Variants in NTN1 observed in about 807,000 individuals in gnomAD.
The protein encoded by NTN1 is netrin-1.
Under a neutral mutation model 54.2 loss-of-function variants are expected in NTN1, and 11 were observed. The ratio of observed to expected loss-of-function variants is 0.20; its 90% CI spans 0.13 to 0.34. The LOEUF (loss-of-function observed/expected upper bound fraction) is 0.34. Ranked by LOEUF, NTN1 falls within the 10% of genes least tolerant of loss-of-function variation. The probability of loss-of-function intolerance (pLI) is 1.00; values close to 1 mark genes in which losing one functional copy is unlikely to be tolerated. For missense variants in NTN1, 740 were observed against 893.1 expected, an observed-to-expected ratio of 0.83 and a Z score of 2.18; for synonymous variants, 371 against 382.0, an observed-to-expected ratio of 0.97 and a Z score of 0.33.
At chr17:9,109,755 A>G (rs1179545455) in intron 2 of NTN1, among the ~76,000 whole-genome samples, 1 of 152,184 alleles carries the variant, frequency 6.6e-6, no homozygotes, top group Non-Finnish European at 1.5e-5. Flanking sequence ...ATCGGCCTAT[A>G]TTCTGGCTAA....
intron 6 of NTN1, among the ~76,000 whole-genome samples, chr17:9,236,279 A>G (rs980443707): frequency 6.6e-6 from 1 of 152,200 alleles, no homozygotes; most frequent in Non-Finnish European, 1.5e-5. Flanking sequence ...GAGGGGCGCC[A>G]GGTTCCATGT....
intron 2 of NTN1, among the ~76,000 whole-genome samples, chr17:9,105,530 T>G (rs2092162932): frequency 1.3e-5 from 2 of 152,186 alleles, no homozygotes; most frequent in Admixed American, 1.3e-4. Flanking sequence ...ACGTGGGCGT[T>G]CTTCAGTGTT....
At chr17:9,125,761 A>G (rs1163371236) in intron 2 of NTN1, among the ~76,000 whole-genome samples, 1 of 152,178 alleles carries the variant, frequency 6.6e-6, no homozygotes, top group Non-Finnish European at 1.5e-5. Flanking sequence ...GTGAGCCACC[A>G]TGCCCGGCTC....
chr17:9,202,055 C>CAAA (rs773720564), intron 5 of NTN1, among the ~76,000 whole-genome samples: 1 of 48,344 alleles, frequency 2.1e-5, no homozygotes, highest in Non-Finnish European at 3.4e-5. Flanking sequence ...CACACACACA[C>CAAA]AAAAAAAAAA....
intron 2 of NTN1, among the ~76,000 whole-genome samples, chr17:9,142,566 G>C (rs963289483): frequency 6.6e-5 from 10 of 152,058 alleles, no homozygotes; most frequent in African/African-American, 1.9e-4. Context: ...TGATGGGAGG[G>C]GGGTGGAGGT....
chr17:9,032,911 C>T (rs1164694315), intron 2 of NTN1, among the ~76,000 whole-genome samples: 2 of 151,358 alleles, frequency 1.3e-5, no homozygotes, highest in East Asian at 1.9e-4. Context: ...TCTGAGCTGC[C>T]ATGAGGAAGG....
intron 3 of NTN1, among the ~76,000 whole-genome samples, chr17:9,178,132 G>C (rs2092406067): frequency 6.6e-6 from 1 of 152,254 alleles, no homozygotes; most frequent in African/African-American, 2.4e-5. Flanking sequence ...GGGAGGCGGA[G>C]GTTGCAGTGA....
At chr17:9,198,362 C>T (rs1284629617) in intron 5 of NTN1, among the ~76,000 whole-genome samples, 1 of 152,218 alleles carries the variant, frequency 6.6e-6, no homozygotes, top group Non-Finnish European at 1.5e-5. Flanking sequence ...CACCTATAAC[C>T]TCCCGGATAT....
chr17:9,221,110 C>G lies in NTN1; in HGVS notation c.1412-58C>G, dbSNP rs1905332555. 6 of 1,232,316 alleles carry G rather than the reference C, an allele frequency of 4.9e-6. No individual in the cohort carries two copies. The highest frequency in any genetic ancestry group is 1.7e-5 in the Admixed American group (1 of 59,466). The allele number at this position is 1,232,316 out of a possible 1,614,324, so 76.3% of individuals were successfully genotyped here. ...GGCGGCCTCCTACTCTGCCCGCCAG[C>G]CTATTCATCGCCAGCCTAATTAGTT... On this transcript the variant is annotated intron_variant, in intron 5 of 6. Coordinates refer to ENST00000173229, the MANE Select transcript of NTN1 (RefSeq NM_004822.3). The surrounding 1 kb of genome is among the most constrained non-coding windows in gnomAD (Gnocchi z 4.5).
the NTN1 span, among the ~76,000 whole-genome samples, chr17:9,004,068 G>T: frequency 6.6e-6 from 1 of 152,230 alleles, no homozygotes; most frequent in South Asian, 2.1e-4. Context: ...GGTGAAGGCC[G>T]CAGGGGACAA....
rs754863907 is a variant in NTN1, at chr17:9,162,869, C to T, written c.1075C>T (p.Leu359Phe). 4 of 1,614,020 alleles carry T rather than the reference C, an allele frequency of 2.5e-6. No individual in the cohort carries two copies. Among genetic ancestry groups the T allele is most frequent in the Non-Finnish European group, 1.7e-6 (2 of 1,180,018 alleles). ...RCRFNMELYK[L>F]SGRKSGGVCL... The stretch of plus-strand genomic sequence containing the variant: ...CCGCTTCAACATGGAGCTCTACAAG[C>T]TTTCGGGGCGCAAGAGCGGAGGTGT... The change falls in exon 3 of 7, where the codon CTT (leucine) becomes TTT (phenylalanine). Residue 359 changes from leucine to phenylalanine, a missense_variant. Transcript: ENST00000173229.
intron 5 of NTN1, among the ~76,000 whole-genome samples, chr17:9,216,726 TTC>T (rs1416329597): frequency 1.3e-5 from 2 of 152,208 alleles, no homozygotes; most frequent in East Asian, 3.9e-4. Flanking sequence ...GATTTTCTGA[TTC>T]TCTGCAATGA....
At chr17:9,114,166 A>AAAAAAATATAT (rs1555569108) in intron 2 of NTN1, among the ~76,000 whole-genome samples, 1 of 74,658 alleles carries the variant, frequency 1.3e-5, no homozygotes, top group Non-Finnish European at 2.5e-5. Flanking sequence ...AAAAAAAAAA[A>AAAAAAATATAT]ATATATATAT....
intron 6 of NTN1, among the ~76,000 whole-genome samples, chr17:9,227,563 T>TATCACACACACAC (rs1220056895): frequency 2.2e-5 from 1 of 44,506 alleles, no homozygotes; most frequent in African/African-American, 1.1e-4. Context: ...GCACACACAC[T>TATCACACACACAC]ATCACACACA....
chr17:9,192,819 G>A (rs751205767), intron 5 of NTN1, among the ~76,000 whole-genome samples: 1 of 152,168 alleles, frequency 6.6e-6, no homozygotes, highest in African/African-American at 2.4e-5. Flanking sequence ...GGTGGCTCAC[G>A]CCTGTAATCC....
intron 5 of NTN1, among the ~76,000 whole-genome samples, chr17:9,200,412 G>A (rs577194409): frequency 6.6e-6 from 1 of 152,374 alleles, no homozygotes; most frequent in East Asian, 1.9e-4. Context: ...CCCGCCGAGT[G>A]GGAGATAGAA....
intron 2 of NTN1, among the ~76,000 whole-genome samples, chr17:9,122,082 G>C (rs1208369900): frequency 6.6e-6 from 1 of 150,756 alleles, no homozygotes; most frequent in Non-Finnish European, 1.5e-5. Context: ...CTGTCGCCCA[G>C]GCTGGAGTGC....
At chr17:9,175,636 C>T (rs2092398054) in intron 3 of NTN1, 1 of 152,256 alleles carries the variant, frequency 6.6e-6, no homozygotes, top group African/African-American at 2.4e-5. Context: ...AGGCACTAAC[C>T]CAGGGTCACT....
At chr17:9,078,381 G>C (rs2092058916) in intron 2 of NTN1, among the ~76,000 whole-genome samples, 1 of 152,218 alleles carries the variant, frequency 6.6e-6, no homozygotes, top group African/African-American at 2.4e-5. Flanking sequence ...AAGGGGGCCA[G>C]AGAGAAAATG....
Sources: allele counts gnomAD v4.1 joint callset (sites outside exome capture counted in the v4.1 genomes callset), GRCh38; gene constraint gnomAD v4.1.1; non-coding constraint Gnocchi (gnomAD v3.1); transcripts MANE v1.5; gene names NCBI Gene and HGNC (gene_info 2026-07-23, HGNC 2026-07-21).